Variants in SNTB2 observed in about 807,000 individuals in gnomAD.
The protein encoded by SNTB2 is syntrophin beta 2, also known as beta-2-syntrophin.
A neutral mutation model predicts 46.2 loss-of-function variants in SNTB2; 34 were observed. That is an observed-to-expected ratio of 0.74 (90% CI 0.56 to 0.98). SNTB2 has a LOEUF of 0.98. SNTB2 is among the 50% of genes least tolerant of loss of function. SNTB2 has a pLI of 0.00. For missense variants in SNTB2, 603 were observed against 731.4 expected, an observed-to-expected ratio of 0.82 and a Z score of 2.02; for synonymous variants, 290 against 312.6, an observed-to-expected ratio of 0.93 and a Z score of 0.76.
chr16:69,192,595 TAGAGA>T (rs1964066068), intron 1 of SNTB2, among the ~76,000 whole-genome samples: 1 of 152,200 alleles, frequency 6.6e-6, no homozygotes, highest in African/African-American at 2.4e-5. Context: ...TTTTCTAGAT[TAGAGA>T]AAAGAGCTTT....
chr16:69,229,474 T>A (rs1012253270), intron 1 of SNTB2, among the ~76,000 whole-genome samples: 1 of 108,276 alleles, frequency 9.2e-6, no homozygotes, highest in Non-Finnish European at 2.0e-5. Flanking sequence ...CCTGCCTGAA[T>A]TTTTTTTTTT....
intron 3 of SNTB2, among the ~76,000 whole-genome samples, chr16:69,265,133 C>T (rs1210240733): frequency 1.3e-5 from 2 of 152,100 alleles, no homozygotes; most frequent in African/African-American, 2.4e-5. Flanking sequence ...CCTGTACTCC[C>T]AGCTACTGGG....
At chr16:69,294,665 G>A (rs1442529629) in intron 5 of SNTB2, among the ~76,000 whole-genome samples, 3 of 152,024 alleles carry the variant, frequency 2.0e-5, no homozygotes, top group African/African-American at 4.8e-5. Context: ...CCCAGGAGGC[G>A]GAGGTTGCAG....
chr16:69,228,820 C>T (rs1964481516), intron 1 of SNTB2, among the ~76,000 whole-genome samples: 1 of 152,106 alleles, frequency 6.6e-6, no homozygotes, highest in African/African-American at 2.4e-5. Flanking sequence ...CCCACAACAG[C>T]ACTTAAGGAT....
At chr16:69,214,426 G>A (rs1162374663) in intron 1 of SNTB2, among the ~76,000 whole-genome samples, 1 of 150,750 alleles carries the variant, frequency 6.6e-6, no homozygotes, top group Non-Finnish European at 1.5e-5. Context: ...AGGATTATAG[G>A]TGTGACCCAC....
rs572062079 is a variant in SNTB2 at position 69,220,166 on chromosome 16, T to G, written c.581-25436T>G. The stretch of plus-strand genomic sequence containing the variant: ...GCAAGAAAGTCAGATTTTTTTTTTT[T>G]TTTTTTTTTTTTTTGAGACAGAGTC... On this transcript the variant is annotated intron_variant, in intron 1 of 6. Transcript: ENST00000336278. Among the ~76,000 whole-genome samples, 17 of 143,812 alleles carry G rather than the reference T, an allele frequency of 1.2e-4. No individual in the cohort carries two copies. The South Asian group carries it at 3.9e-3, about 33-fold the overall frequency. 94.3% of individuals were successfully genotyped at this position (143,812 alleles called of 152,430 possible).
At chr16:69,196,624 T>C (rs991338230) in intron 1 of SNTB2, among the ~76,000 whole-genome samples, 3 of 152,212 alleles carry the variant, frequency 2.0e-5, no homozygotes, top group South Asian at 2.1e-4. Context: ...CTGCCCACCT[T>C]GGCCTCCCAA....
chr16:69,224,905 T>C (rs1567401933), intron 1 of SNTB2, among the ~76,000 whole-genome samples: 1 of 152,244 alleles, frequency 6.6e-6, no homozygotes, highest in Admixed American at 6.6e-5. Flanking sequence ...AGTTACAGTA[T>C]GTGGGTTGAC....
chr16:69,237,015 G>A (rs1015095018), intron 1 of SNTB2, among the ~76,000 whole-genome samples: 1 of 152,200 alleles, frequency 6.6e-6, no homozygotes, highest in African/African-American at 2.4e-5. Flanking sequence ...ACAAGAGTGA[G>A]CACAGGAGCA....
chr16:69,202,204 T>C (rs991252991), intron 1 of SNTB2, among the ~76,000 whole-genome samples: 1 of 152,204 alleles, frequency 6.6e-6, no homozygotes, highest in African/African-American at 2.4e-5. Flanking sequence ...GTTCTCTGAC[T>C]TGGAGGCTTT....
intron 2 of SNTB2, among the ~76,000 whole-genome samples, chr16:69,253,073 G>A (rs553114336): frequency 6.6e-6 from 1 of 151,570 alleles, no homozygotes; most frequent in Non-Finnish European, 1.5e-5. Flanking sequence ...CTAATTTTTT[G>A]TATTTTTAGT....
At chr16:69,281,905 C>CTCT (rs1555500788) in intron 4 of SNTB2, among the ~76,000 whole-genome samples, 4 of 125,322 alleles carry the variant, frequency 3.2e-5, no homozygotes, top group African/African-American at 9.1e-5. Context: ...TTGTTTCTCT[C>CTCT]TTTTTTTTTT....
chr16:69,243,489 A>G (rs1367448813), intron 1 of SNTB2, among the ~76,000 whole-genome samples: 1 of 152,194 alleles, frequency 6.6e-6, no homozygotes, highest in South Asian at 2.1e-4. Flanking sequence ...CAGTTCAGTG[A>G]TGCTACTGTG....
intron 1 of SNTB2, among the ~76,000 whole-genome samples, chr16:69,202,079 T>C (rs1397146028): frequency 6.6e-6 from 1 of 152,180 alleles, no homozygotes. Context: ...TAGCTGTACC[T>C]TTTTGTCCCC....
At chr16:69,218,520 C>A (rs950924537) in intron 1 of SNTB2, among the ~76,000 whole-genome samples, 1 of 151,598 alleles carries the variant, frequency 6.6e-6, no homozygotes, top group Non-Finnish European at 1.5e-5. Context: ...CTCCCAGGTT[C>A]ACGCCATTCT....
intron 1 of SNTB2, among the ~76,000 whole-genome samples, chr16:69,243,622 T>C (rs1964639870): frequency 6.6e-6 from 1 of 152,212 alleles, no homozygotes; most frequent in Non-Finnish European, 1.5e-5. Flanking sequence ...GCCTTAAATG[T>C]TCAAAAAGCA....
chr16:69,199,660 A>T (rs1057378356), intron 1 of SNTB2, among the ~76,000 whole-genome samples: 1 of 151,848 alleles, frequency 6.6e-6, no homozygotes, highest in Non-Finnish European at 1.5e-5. Context: ...CAAAGAGAGA[A>T]ATATTGAGCA....
intron 5 of SNTB2, among the ~76,000 whole-genome samples, chr16:69,294,557 C>T (rs1185606104): frequency 6.7e-6 from 1 of 150,374 alleles, no homozygotes; most frequent in Admixed American, 6.6e-5. Context: ...AACCCTATCT[C>T]TACTGAAAAA....
Position 69,303,257 on chromosome 16 carries a change from C to G in SNTB2, c.*2333C>G, listed in dbSNP as rs1965291477. 6.6e-6 allele frequency: 1 copy of G among 152,176 alleles called. No homozygotes were observed. Among genetic ancestry groups the G allele is most frequent in the African/African-American group, 2.4e-5 (1 of 41,440 alleles). 9.4% of individuals were successfully genotyped at this position (152,176 alleles called of 1,614,324 possible). The stretch of plus-strand genomic sequence containing the variant: ...TCAGAATTTCAATATGTAATACCCT[C>G]AGGTAGGCAATCTTGAACCCTCTAT... On this transcript the variant is annotated 3_prime_UTR_variant, in exon 7 of 7. Transcript: ENST00000336278.
Sources: allele counts gnomAD v4.1 joint callset (sites outside exome capture counted in the v4.1 genomes callset), GRCh38; gene constraint gnomAD v4.1.1; transcripts MANE v1.5; gene names NCBI Gene and HGNC (gene_info 2026-07-23, HGNC 2026-07-21).